MEIOSIN: variants seen among roughly 807,000 people sequenced by gnomAD.
The protein encoded by MEIOSIN is meiosis initiator protein.
MEIOSIN carries 18 observed loss-of-function variants against 23.4 expected under a neutral mutation model. The observed-to-expected ratio is 0.77, with a 90% CI of 0.53 to 1.14. The LOEUF (loss-of-function observed/expected upper bound fraction) is 1.14. MEIOSIN is among the 50% of genes most tolerant of loss of function. The pLI is 0.00. For synonymous variants in MEIOSIN, 187 were observed against 100.6 expected (o/e 1.86, Z -5.14); for missense variants, 428 against 242.9 (o/e 1.76, Z -5.07).
intron 9 of MEIOSIN, among the ~76,000 whole-genome samples, chr19:45,757,892 A>G (rs1216158758): frequency 5.9e-5 from 9 of 152,112 alleles, no homozygotes; most frequent in Non-Finnish European, 1.3e-4. Flanking sequence ...CAGTGGCGCA[A>G]TCACAGCTCA....
chr19:45,736,096 T>C (rs1408485698), intron 2 of MEIOSIN, among the ~76,000 whole-genome samples: 2 of 152,182 alleles, frequency 1.3e-5, no homozygotes, highest in Non-Finnish European at 2.9e-5. Flanking sequence ...TAGAGTGCAG[T>C]GGTGGCATCA....
At chr19:45,763,008 G>T (rs1340985074) in intron 13 of MEIOSIN, among the ~76,000 whole-genome samples, 2 of 152,214 alleles carry the variant, frequency 1.3e-5, no homozygotes, top group Non-Finnish European at 2.9e-5. Flanking sequence ...ACTGACTTTG[G>T]TAGATCCGGT....
chr19:45,744,461 CT>C (rs1242137563), intron 3 of MEIOSIN, among the ~76,000 whole-genome samples: 8 of 151,836 alleles, frequency 5.3e-5, no homozygotes, highest in Non-Finnish European at 1.2e-4. Context: ...CTCTCAGCAT[CT>C]TTTTTTTGTT....
chr19:45,759,514 CCA>C (rs1391402780), intron 11 of MEIOSIN, 24 bp downstream of exon 11: 30 of 702,724 alleles, frequency 4.3e-5, no homozygotes, highest in African/African-American at 7.0e-5. Context: ...GCCCCTCTGT[CCA>C]CAGACACATC....
intron 8 of MEIOSIN, among the ~76,000 whole-genome samples, chr19:45,756,881 CAG>C (rs2146195613): frequency 1.3e-5 from 2 of 152,282 alleles, no homozygotes; most frequent in South Asian, 4.1e-4. Flanking sequence ...TCTCACATTC[CAG>C]TACTTCTTCC....
chr19:45,757,065 G>A (rs1968844396), intron 8 of MEIOSIN, 112 bp from the exon 9 acceptor site: 1 of 616,354 alleles, frequency 1.6e-6, no homozygotes, highest in Non-Finnish European at 2.9e-6. Flanking sequence ...GACTGACTGA[G>A]CTTTACACCC....
intron 6 of MEIOSIN, 85 bp downstream of exon 6, chr19:45,753,873 G>A: frequency 1.6e-6 from 1 of 632,076 alleles, no homozygotes; most frequent in Non-Finnish European, 2.8e-6. Flanking sequence ...TTACTCTGGG[G>A]GCCTTCTCAG....
At chr19:45,747,301 G>T (rs906745420) in intron 4 of MEIOSIN, among the ~76,000 whole-genome samples, 14 of 152,168 alleles carry the variant, frequency 9.2e-5, no homozygotes, top group Non-Finnish European at 2.1e-4. Context: ...AGTGCTCCGC[G>T]CCATAGCAGG....
At chr19:45,760,701 G>A (rs1312128848) in intron 11 of MEIOSIN, among the ~76,000 whole-genome samples, 1 of 152,042 alleles carries the variant, frequency 6.6e-6, no homozygotes, top group African/African-American at 2.4e-5. Flanking sequence ...GGCTGAGGCG[G>A]GCAGATCACC....
chr19:45,759,320 C>T (rs1025372752), intron 10 of MEIOSIN, 94 bp from the exon 11 acceptor site: 63 of 679,576 alleles, frequency 9.3e-5, no homozygotes, highest in South Asian at 1.4e-4. Flanking sequence ...ACGCCAGAGA[C>T]GGGGACTCCG....
chr19:45,762,046 G>C lies in MEIOSIN; in HGVS notation c.1542G>C (p.Lys514Asn). ...LASPLLAAEK[K>N]ATKGQVARAP... ...CACCCCTGCTGGCAGCTGAGAAAAA[G>C]GCCACGAAGGGCCAAGTAGCCAGGG... Residue 514 changes from lysine to asparagine, a missense_variant, in exon 13 of 15, where the codon AAG (lysine) becomes AAC (asparagine). Physicochemically the swap from Lys to Asn is moderately conservative, Grantham distance 94. Coordinates refer to ENST00000457052, the MANE Select transcript of MEIOSIN (RefSeq NM_001310124.2). The C allele has an allele frequency of 4.1e-6, 2 of 484,572 alleles. No individual in the cohort carries two copies. Among genetic ancestry groups the C allele is most frequent in the Non-Finnish European group, 7.3e-6 (2 of 274,214 alleles). 30.0% of individuals were successfully genotyped at this position (484,572 alleles called of 1,614,324 possible).
chr19:45,757,313 G>T, intron 9 of MEIOSIN, 36 bp downstream of exon 9: 1 of 695,422 alleles, frequency 1.4e-6, no homozygotes, highest in Non-Finnish European at 2.6e-6. Context: ...TTGTAGGCTG[G>T]TGTGGGCCTT....
chr19:45,742,221 G>A (rs1427771407), intron 3 of MEIOSIN, among the ~76,000 whole-genome samples: 1 of 152,018 alleles, frequency 6.6e-6, no homozygotes. Flanking sequence ...TGCCCAGGCT[G>A]GACTCAAACT....
intron 2 of MEIOSIN, among the ~76,000 whole-genome samples, chr19:45,736,283 G>C (rs1968406973): frequency 1.3e-5 from 2 of 152,130 alleles, no homozygotes; most frequent in South Asian, 4.1e-4. Context: ...CTGGCCTCAA[G>C]TGATCCTCCT....
In MEIOSIN at chr19:45,757,197, A is replaced by C; in HGVS notation, c.932A>C (p.Asp311Ala). 1.4e-6 allele frequency: 1 copy of C among 702,922 alleles called. No homozygotes were observed. The highest frequency in any genetic ancestry group is 2.6e-6 in the Non-Finnish European group (1 of 384,934). The allele number at this position is 702,922 out of a possible 1,614,324, so 43.5% of individuals were successfully genotyped here. ...TGCAGGCAGAAGCTGGTGTTCTATG[A>C]TTCCAGCGAGGATGTGGACAAAGGG... ...PHPRQKLVFY[D>A]SSEDVDKGSL... Residue 311 changes from aspartate (D) to alanine (A), a missense_variant, in exon 9 of 15, where the codon GAT becomes GCT. Coordinates refer to ENST00000457052, the MANE Select transcript of MEIOSIN (RefSeq NM_001310124.2).
chr19:45,739,950 T>G lies in MEIOSIN; in HGVS notation c.176+220T>G, dbSNP rs1487938863. Among the ~76,000 whole-genome samples the G allele has an allele frequency of 3.3e-5, 5 of 151,800 alleles. No homozygotes were observed. The East Asian group carries it at 9.7e-4, about 29-fold the overall frequency. ...GTAACCTCTGCCTCTAGGGTTTAAG[T>G]GATTCTCCTGCCTCAACCTCCCGAG... On this transcript the variant is annotated intron_variant, in intron 3 of 14. Transcript: ENST00000457052.
At chr19:45,737,320 T>C (rs540589032) in intron 2 of MEIOSIN, among the ~76,000 whole-genome samples, 1 of 151,530 alleles carries the variant, frequency 6.6e-6, no homozygotes, top group African/African-American at 2.4e-5. Flanking sequence ...GCTGGGACCA[T>C]AGGCGTGCAC....
At position 45,762,988 on chromosome 19, in the gene MEIOSIN, A is replaced by C. The variant is rs181243887; in HGVS notation, c.1680-350A>C. Among the ~76,000 whole-genome samples the C allele has an allele frequency of 3.4e-3, 520 of 152,342 alleles. 3 individuals carry two copies. Among genetic ancestry groups the C allele is most frequent in the African/African-American group, 0.012 (492 of 41,570 alleles). On this transcript the variant is annotated intron_variant, in intron 13 of 14. Transcript: ENST00000457052. ...GAGAGGTCTCTAAGGTTTTAAGCAAAGTCCTTGGGACTGACTTTGGTAGAT... is the reference window on the plus strand; with the variant it reads ...GAGAGGTCTCTAAGGTTTTAAGCAACGTCCTTGGGACTGACTTTGGTAGAT...
At chr19:45,755,392 G>A (rs1244069616) in intron 7 of MEIOSIN, among the ~76,000 whole-genome samples, 2 of 151,076 alleles carry the variant, frequency 1.3e-5, no homozygotes, top group Non-Finnish European at 2.9e-5. Flanking sequence ...TCAGGTGATC[G>A]CCCACCTTGG....
Sources: gnomAD v4.1 joint callset for allele counts (sites outside exome capture counted in the v4.1 genomes callset) on GRCh38, gnomAD v4.1.1 for gene constraint, MANE v1.5 for transcripts, NCBI Gene and HGNC (gene_info 2026-07-23, HGNC 2026-07-21) for gene names.